Variants in GPC6 observed in about 807,000 individuals in gnomAD.
The protein encoded by GPC6 is glypican 6, also known as glypican-6.
A neutral mutation model predicts 55.2 loss-of-function variants in GPC6; 14 were observed. The observed-to-expected ratio is 0.25, with a 90% CI of 0.17 to 0.40. The LOEUF (loss-of-function observed/expected upper bound fraction) is 0.40. Among genes scored for constraint, GPC6 ranks in the 10% least tolerant of loss-of-function variants. GPC6 has a pLI of 1.00. For synonymous variants in GPC6, 278 were observed against 259.6 expected (o/e 1.07, Z -0.68); for missense variants, 641 against 708.5 (o/e 0.90, Z 1.08).
chr13:93,418,065 G>A (rs1460319881), intron 1 of GPC6, among the ~76,000 whole-genome samples: 3 of 151,968 alleles, frequency 2.0e-5, no homozygotes, highest in East Asian at 3.9e-4. Context: ...TTCAAAATAT[G>A]TCTCAATCTC....
chr13:93,830,217 A>G lies in GPC6; in HGVS notation c.383A>G (p.Tyr128Cys). ...CTAAATGATATGTTTGTACGGACCT[A>G]TGGCATGCTGTACATGCAGAATTCA... ...KSLNDMFVRT[Y>C]GMLYMQNSEV... Residue 128 changes from tyrosine to cysteine, a missense_variant, in exon 3 of 9, where the codon TAT becomes TGT. Transcript: ENST00000377047. 1 of 1,605,654 alleles carries G rather than the reference A, an allele frequency of 6.2e-7. No individual in the cohort carries two copies. Among genetic ancestry groups the G allele is most frequent in the Non-Finnish European group, 8.5e-7 (1 of 1,173,402 alleles).
At chr13:93,547,733 A>C (rs1478029919) in intron 2 of GPC6, among the ~76,000 whole-genome samples, 1 of 152,134 alleles carries the variant, frequency 6.6e-6, no homozygotes, top group African/African-American at 2.4e-5. Context: ...GGAAAAAAAA[A>C]AAGAGAATCT....
intron 1 of GPC6, among the ~76,000 whole-genome samples, chr13:93,238,977 T>C (rs1876337145): frequency 2.0e-5 from 3 of 152,100 alleles, no homozygotes; most frequent in African/African-American, 4.8e-5. Flanking sequence ...TGTTGTGCTA[T>C]AGTATTTGGT....
At chr13:93,877,801 C>A (rs1874685932) in intron 3 of GPC6, among the ~76,000 whole-genome samples, 1 of 152,024 alleles carries the variant, frequency 6.6e-6, no homozygotes, top group Non-Finnish European at 1.5e-5. Context: ...AACGCCCTTT[C>A]TTTTACTTAG....
intron 3 of GPC6, among the ~76,000 whole-genome samples, chr13:93,916,013 G>A (rs1877270178): frequency 6.6e-6 from 1 of 152,024 alleles, no homozygotes; most frequent in African/African-American, 2.4e-5. Context: ...GTCTTCTGTG[G>A]ACCTCTCCAG....
intron 1 of GPC6, among the ~76,000 whole-genome samples, chr13:93,316,325 T>A (rs9589711): frequency 6.6e-6 from 1 of 152,066 alleles, no homozygotes; most frequent in African/African-American, 2.4e-5. Flanking sequence ...GTTTTCCTAA[T>A]GTGTGGGTAT....
chr13:94,005,162 G>T (rs1881965321), intron 3 of GPC6, among the ~76,000 whole-genome samples: 1 of 152,094 alleles, frequency 6.6e-6, no homozygotes, highest in Admixed American at 6.5e-5. Flanking sequence ...ATTGAAGGAG[G>T]TATGGGAAAT....
At chr13:93,490,477 TCAACTTGAGTGATTTTTTTTTC>T (rs1566384363) in intron 1 of GPC6, among the ~76,000 whole-genome samples, 3 of 138,874 alleles carry the variant, frequency 2.2e-5, no homozygotes, top group Admixed American at 7.1e-5. Flanking sequence ...TTTTTTTTTT[TCAACTTGAGTGATTTTTTTTTC>T]TTTTTTTTTT....
At chr13:93,568,939 A>G (rs751725910) in intron 2 of GPC6, among the ~76,000 whole-genome samples, 12 of 152,130 alleles carry the variant, frequency 7.9e-5, no homozygotes, top group Non-Finnish European at 1.5e-4. Flanking sequence ...TTGGAGGTAG[A>G]TAGAGGATTG....
intron 4 of GPC6, among the ~76,000 whole-genome samples, chr13:94,127,861 T>C (rs1277578541): frequency 6.6e-6 from 1 of 152,144 alleles, no homozygotes; most frequent in East Asian, 1.9e-4. Flanking sequence ...TAATCATTTC[T>C]AGCTCCTGAA....
In GPC6 at chr13:93,837,314, G is replaced by A. The variant is rs186579155; in HGVS notation, c.711+6769G>A. 7.7e-4 allele frequency among the ~76,000 whole-genome samples: 117 copies of A among 152,258 alleles called. 1 individual carries two copies. The highest frequency in any genetic ancestry group is 5.1e-4 in the Non-Finnish European group (35 of 68,004). ...GTTTTATTCATATTGAAAGAAGTTA[G>A]GGATTCCATAACCCTATCTAAATGT... is the stretch of plus-strand genomic sequence containing the variant. On this transcript the variant is annotated intron_variant, in intron 3 of 8. Coordinates refer to ENST00000377047, the MANE Select transcript of GPC6 (RefSeq NM_005708.5).
chr13:93,588,105 A>G (rs1290864488), intron 2 of GPC6, among the ~76,000 whole-genome samples: 1 of 152,202 alleles, frequency 6.6e-6, no homozygotes, highest in East Asian at 1.9e-4. Flanking sequence ...GTCTCCAACT[A>G]CAGCCTAGAG....
intron 6 of GPC6, among the ~76,000 whole-genome samples, chr13:94,329,100 T>A (rs1228095339): frequency 6.6e-6 from 1 of 152,232 alleles, no homozygotes; most frequent in African/African-American, 2.4e-5. Context: ...ATTTCCCTTT[T>A]GAAAGAGCTG....
At chr13:94,251,463 GA>G (rs57853055) in intron 4 of GPC6, among the ~76,000 whole-genome samples, 29 of 145,710 alleles carry the variant, frequency 2.0e-4, no homozygotes, top group South Asian at 4.4e-4. Flanking sequence ...GAACTTAAAG[GA>G]AAAAAAAAAA....
At chr13:93,774,243 A>G (rs547950093) in intron 2 of GPC6, among the ~76,000 whole-genome samples, 1 of 152,270 alleles carries the variant, frequency 6.6e-6, no homozygotes, top group East Asian at 1.9e-4. Context: ...GGAACATTCA[A>G]TGGAGGTTAG....
intron 1 of GPC6, among the ~76,000 whole-genome samples, chr13:93,473,288 G>A (rs1879189861): frequency 6.6e-6 from 1 of 152,196 alleles, no homozygotes; most frequent in African/African-American, 2.4e-5. Context: ...GCCCCTACTT[G>A]TTTCCCCCAC....
rs551032971 is a variant in GPC6, at chr13:93,293,526, T to G, written c.160+65910T>G. Among the ~76,000 whole-genome samples, 587 of 152,178 alleles carry G rather than the reference T, an allele frequency of 3.9e-3. 5 individuals carry two copies. The highest frequency in any genetic ancestry group is 0.014 in the African/African-American group (568 of 41,500). On this transcript the variant is annotated intron_variant, in intron 1 of 8. Coordinates refer to ENST00000377047, the MANE Select transcript of GPC6 (RefSeq NM_005708.5). ...TGATTTGTGAAAATGTAAGATTATC[T>G]GAGTAATGGACAATTTCTAATATTC...
chr13:93,399,842 C>T (rs947967725), intron 1 of GPC6, among the ~76,000 whole-genome samples: 4 of 152,134 alleles, frequency 2.6e-5, no homozygotes, highest in African/African-American at 9.7e-5. Context: ...ATGTGTGGAT[C>T]TCTGTCTTTT....
chr13:93,390,304 A>G (rs1875574086), intron 1 of GPC6, among the ~76,000 whole-genome samples: 3 of 152,068 alleles, frequency 2.0e-5, no homozygotes, highest in African/African-American at 4.8e-5. Context: ...ACCAGGGGTG[A>G]CCAGTGGGAG....
Sources: allele counts gnomAD v4.1 joint callset (sites outside exome capture counted in the v4.1 genomes callset), GRCh38; gene constraint gnomAD v4.1.1; transcripts MANE v1.5; gene names NCBI Gene and HGNC (gene_info 2026-07-23, HGNC 2026-07-21).